UVRAG: variants seen among roughly 807,000 people sequenced by gnomAD.
The protein encoded by UVRAG is UV radiation resistance associated, also known as UV radiation resistance-associated gene protein.
UVRAG carries 19 observed loss-of-function variants against 78.0 expected under a neutral mutation model. That is an observed-to-expected ratio of 0.24 (90% CI 0.17 to 0.36). The LOEUF (loss-of-function observed/expected upper bound fraction) is 0.36. Ranked by LOEUF, UVRAG falls within the 10% of genes least tolerant of loss-of-function variation. The pLI is 1.00. For synonymous variants in UVRAG, 323 were observed against 324.6 expected, an observed-to-expected ratio of 1.00 and a Z score of 0.05; for missense variants, 740 against 853.8, an observed-to-expected ratio of 0.87 and a Z score of 1.66.
At chr11:75,930,927 T>TTTTCTTTCTTTA (rs1948219597) in intron 6 of UVRAG, 4 of 117,404 alleles carry the variant, frequency 3.4e-5, no homozygotes, top group Non-Finnish European at 7.1e-5. Context: ...AGTGTCGGGA[T>TTTTCTTTCTTTA]TTTCTTTCTT....
chr11:75,897,871 AT>A (rs146122619), intron 5 of UVRAG, among the ~76,000 whole-genome samples: 6,105 of 108,818 alleles, frequency 0.056, 153 homozygotes, highest in African/African-American at 0.11. Context: ...TAGCTCTTTA[AT>A]TTTTTTTTTT....
intron 13 of UVRAG, 45 bp downstream of exon 13, chr11:76,065,833 C>T (rs768583283): frequency 6.3e-7 from 1 of 1,575,284 alleles, no homozygotes; most frequent in Non-Finnish European, 8.7e-7. Context: ...CATGCACAGC[C>T]TGTTTCCTTA....
chr11:76,063,907 T>C (rs1951138673), intron 12 of UVRAG, among the ~76,000 whole-genome samples: 1 of 152,242 alleles, frequency 6.6e-6, no homozygotes, highest in Non-Finnish European at 1.5e-5. Context: ...ACATGTACTT[T>C]TGTAAAGTAA....
At chr11:76,065,575 A>G in intron 12 of UVRAG, 135 bp from the exon 13 acceptor site, 1 of 651,196 alleles carries the variant, frequency 1.5e-6, no homozygotes, top group Non-Finnish European at 2.6e-6. Flanking sequence ...AGTAGATTGC[A>G]ATGACTATAG....
chr11:75,845,043 G>C (rs780521908), intron 1 of UVRAG, among the ~76,000 whole-genome samples: 1 of 152,134 alleles, frequency 6.6e-6, no homozygotes, highest in Non-Finnish European at 1.5e-5. Context: ...AAAAAGTTAA[G>C]GAATTTAGGG....
intron 12 of UVRAG, among the ~76,000 whole-genome samples, chr11:76,057,521 A>G (rs1036162135): frequency 6.6e-6 from 1 of 152,218 alleles, no homozygotes; most frequent in Non-Finnish European, 1.5e-5. Context: ...TAAAGAGTAC[A>G]TTTTGGACTG....
chr11:75,822,630 G>A (rs748808915), intron 1 of UVRAG, among the ~76,000 whole-genome samples: 1 of 151,552 alleles, frequency 6.6e-6, no homozygotes, highest in African/African-American at 2.4e-5. Context: ...AGCAGCTCAC[G>A]GAACTCAAGA....
intron 12 of UVRAG, among the ~76,000 whole-genome samples, chr11:76,022,740 G>GT (rs1950268309): frequency 1.3e-5 from 2 of 152,060 alleles, no homozygotes; most frequent in Non-Finnish European, 2.9e-5. Context: ...TTGGATTAGA[G>GT]TTTTTAATCC....
intron 14 of UVRAG, among the ~76,000 whole-genome samples, chr11:76,117,515 GTGT>G (rs1210340434): frequency 8.5e-5 from 13 of 152,174 alleles, no homozygotes; most frequent in African/African-American, 2.9e-4. Context: ...ATTTCTAAAA[GTGT>G]TGTTGAGATT....
chr11:75,928,026 C>A (rs925400683), intron 6 of UVRAG, among the ~76,000 whole-genome samples: 6 of 151,856 alleles, frequency 4.0e-5, no homozygotes, highest in African/African-American at 1.5e-4. Context: ...CCCTTGAGCC[C>A]AGGAATTTGA....
chr11:75,945,788 C>T (rs1431977413), intron 6 of UVRAG, among the ~76,000 whole-genome samples: 1 of 151,770 alleles, frequency 6.6e-6, no homozygotes, highest in African/African-American at 2.4e-5. Flanking sequence ...GTTAGGGTAC[C>T]TTTTTTTTGT....
At chr11:75,864,169 C>T (rs1017115019) in intron 3 of UVRAG, among the ~76,000 whole-genome samples, 3 of 151,952 alleles carry the variant, frequency 2.0e-5, no homozygotes, top group Admixed American at 2.0e-4. Flanking sequence ...GATCCTCTTA[C>T]CTCAGCCTCC....
At position 76,007,585 on chromosome 11, in the gene UVRAG, A is replaced by G. The variant is rs762167792; in HGVS notation, c.963A>G (p.Leu321=). The part of the protein sequence containing the change: ...NAQLTIRCRQ[L]LSELSYIYPI... ...AGTTGACAATTCGTTGCAGGCAGTT[A>G]CTCTCTGAGCTTTCCTACATTTACC... The change falls in exon 10 of 15, where the codon TTA becomes TTG. Residue 321 remains leucine, a synonymous_variant. Coordinates refer to ENST00000356136, the MANE Select transcript of UVRAG (RefSeq NM_003369.4). 6.2e-7 allele frequency: 1 copy of G among 1,613,708 alleles called. No homozygotes were observed. The highest frequency in any genetic ancestry group is 8.5e-7 in the Non-Finnish European group (1 of 1,179,954).
At chr11:75,944,589 G>C (rs887831673) in intron 6 of UVRAG, among the ~76,000 whole-genome samples, 9 of 152,128 alleles carry the variant, frequency 5.9e-5, no homozygotes, top group Admixed American at 5.9e-4. Flanking sequence ...AATATGCTGG[G>C]TATACAGTGG....
chr11:75,947,325 T>G (rs1027794586), intron 6 of UVRAG, among the ~76,000 whole-genome samples: 1 of 152,122 alleles, frequency 6.6e-6, no homozygotes, highest in Non-Finnish European at 1.5e-5. Context: ...AGTAATATCC[T>G]ATGGTGTTTA....
At chr11:76,096,097 C>T (rs1951781519) in intron 13 of UVRAG, among the ~76,000 whole-genome samples, 1 of 152,108 alleles carries the variant, frequency 6.6e-6, no homozygotes, top group Admixed American at 6.5e-5. Flanking sequence ...AGGGCAGGCC[C>T]CAGTCAGAAC....
chr11:75,880,779 T>C (rs931649659), intron 4 of UVRAG, among the ~76,000 whole-genome samples: 1 of 151,810 alleles, frequency 6.6e-6, no homozygotes, highest in African/African-American at 2.4e-5. Flanking sequence ...GGTCTCGAAC[T>C]CCTGAGCTCA....
intron 13 of UVRAG, among the ~76,000 whole-genome samples, chr11:76,087,023 G>A (rs1463095126): frequency 2.6e-5 from 4 of 152,162 alleles, no homozygotes; most frequent in Non-Finnish European, 4.4e-5. Flanking sequence ...CTAACATTTT[G>A]TGAAGCCCTA....
chr11:75,920,008 G>GTTTTTTTTT lies in UVRAG; in HGVS notation c.593+7996_593+8004dup, dbSNP rs140217190. Among the ~76,000 whole-genome samples, 48 of 55,492 alleles carry GTTTTTTTTT rather than the reference G, an allele frequency of 8.6e-4. 6 individuals are homozygous for GTTTTTTTTT. The highest frequency in any genetic ancestry group is 5.1e-3 in the East Asian group (8 of 1,576). 36.4% of individuals were successfully genotyped at this position (55,492 alleles called of 152,430 possible). A position where few individuals can be genotyped will look rare whatever the true frequency, so the allele number is the denominator to read the frequency against. On this transcript the variant is annotated intron_variant, in intron 6 of 14. Transcript: ENST00000356136. ...CAAAATTTAAAATAAAATAATTTTGGTTTTTTTTTTTTTTTTTTTTTTTTT... is the reference window on the plus strand; with the variant it reads ...CAAAATTTAAAATAAAATAATTTTGGTTTTTTTTTTTTTTTTTTTTTTTTTTTTTTTTTT...
Sources: allele counts gnomAD v4.1 joint callset (sites outside exome capture counted in the v4.1 genomes callset), GRCh38; gene constraint gnomAD v4.1.1; transcripts MANE v1.5; gene names NCBI Gene and HGNC (gene_info 2026-07-23, HGNC 2026-07-21).